Variants in UBE2K observed in about 807,000 individuals in gnomAD.
The protein encoded by UBE2K is ubiquitin conjugating enzyme E2 K.
UBE2K carries 6 observed loss-of-function variants against 30.0 expected under a neutral mutation model. That is an observed-to-expected ratio of 0.20 (90% CI 0.11 to 0.39). The LOEUF (loss-of-function observed/expected upper bound fraction) is 0.39, where lower values mean the gene tolerates loss of function less well. Ranked by LOEUF, UBE2K falls within the 10% of genes least tolerant of loss-of-function variation. The pLI, the probability that UBE2K is intolerant of heterozygous loss-of-function variation, is 1.00. For synonymous variants in UBE2K, 86 were observed against 83.7 expected (o/e 1.03, Z -0.15); for missense variants, 61 against 241.6 (o/e 0.25, Z 4.96).
intron 1 of UBE2K, among the ~76,000 whole-genome samples, chr4:39,734,641 T>C (rs1388268874): frequency 1.3e-5 from 2 of 151,984 alleles, no homozygotes; most frequent in East Asian, 3.9e-4. Context: ...CAAAACCCCC[T>C]CTCTACTAAA....
intron 5 of UBE2K, among the ~76,000 whole-genome samples, chr4:39,776,147 T>C (rs182000126): frequency 1.4e-4 from 21 of 152,366 alleles, no homozygotes; most frequent in Admixed American, 1.4e-3. Context: ...CATTCAGTTT[T>C]GGCAGTGTTA....
At chr4:39,719,995 T>C (rs1399547619) in intron 1 of UBE2K, among the ~76,000 whole-genome samples, 1 of 152,238 alleles carries the variant, frequency 6.6e-6, no homozygotes, top group Non-Finnish European at 1.5e-5. Flanking sequence ...CCATAGGCAC[T>C]GTGAATGTGA....
At chr4:39,773,572 T>C (rs893145890) in intron 4 of UBE2K, among the ~76,000 whole-genome samples, 1 of 152,176 alleles carries the variant, frequency 6.6e-6, no homozygotes, top group Non-Finnish European at 1.5e-5. Flanking sequence ...ACTAATGATT[T>C]ATCACTTTAA....
At chr4:39,760,195 G>C (rs200997658) in intron 4 of UBE2K, among the ~76,000 whole-genome samples, 13 of 102,594 alleles carry the variant, frequency 1.3e-4, no homozygotes, top group East Asian at 5.9e-4. Context: ...AAAAAAAACA[G>C]AAAAAAAAAA....
chr4:39,773,686 C>A (rs915675199), intron 4 of UBE2K, among the ~76,000 whole-genome samples: 3 of 152,142 alleles, frequency 2.0e-5, no homozygotes, highest in African/African-American at 4.8e-5. Flanking sequence ...CTTTGGGAGG[C>A]CGAGGCGGGC....
intron 4 of UBE2K, among the ~76,000 whole-genome samples, chr4:39,772,845 G>A (rs958961585): frequency 1.8e-4 from 27 of 151,592 alleles, no homozygotes; most frequent in Admixed American, 5.9e-4. Flanking sequence ...ATGCCACCAC[G>A]CCCAGCTAAT....
At chr4:39,771,217 A>G in intron 4 of UBE2K, 1 of 1,612,602 alleles carries the variant, frequency 6.2e-7, no homozygotes, top group South Asian at 1.1e-5. Context: ...ACTGTGCATC[A>G]GGGAGACCTG....
At position 39,781,696 on chromosome 4, in the gene UBE2K, G is replaced by A; in HGVS notation, c.*3262G>A. On this transcript the variant is annotated 3_prime_UTR_variant, in exon 7 of 7. Coordinates refer to ENST00000261427, the MANE Select transcript of UBE2K (RefSeq NM_005339.5). ...TGGAGCCAGGTATACCTTCTAGTATGTAGAGGGAAACAATGTTTAGATAGG... is the reference window on the plus strand; with the variant it reads ...TGGAGCCAGGTATACCTTCTAGTATATAGAGGGAAACAATGTTTAGATAGG... 1 of 374,976 alleles carries A rather than the reference G, an allele frequency of 2.7e-6. No individual in the cohort carries two copies. The allele number at this position is 374,976 out of a possible 1,614,324, so 23.2% of individuals were successfully genotyped here. A position where few individuals can be genotyped will look rare whatever the true frequency, so the allele number is the denominator to read the frequency against.
intron 4 of UBE2K, among the ~76,000 whole-genome samples, chr4:39,760,176 C>CA (rs71194913): frequency 0.049 from 3,744 of 77,064 alleles, 241 homozygotes; most frequent in Middle Eastern, 0.085. Flanking sequence ...GACTCTGTCA[C>CA]AAAAAAAAAA....
chr4:39,749,861 T>C (rs1022245946), intron 3 of UBE2K, among the ~76,000 whole-genome samples: 2 of 152,164 alleles, frequency 1.3e-5, no homozygotes, highest in Admixed American at 1.3e-4. Context: ...TAAAGCTGGC[T>C]TAATAATATA....
At chr4:39,733,311 A>G (rs1720180521) in intron 1 of UBE2K, among the ~76,000 whole-genome samples, 1 of 147,982 alleles carries the variant, frequency 6.8e-6, no homozygotes, top group Admixed American at 7.0e-5. Context: ...TGTGAAATTA[A>G]TTTTGTAAAA....
intron 4 of UBE2K, among the ~76,000 whole-genome samples, chr4:39,761,609 A>G (rs1313749719): frequency 1.3e-5 from 2 of 152,218 alleles, no homozygotes; most frequent in Admixed American, 1.3e-4. Flanking sequence ...ATAAAGATTG[A>G]CACATTTTGA....
At chr4:39,761,565 G>T (rs566400205) in intron 4 of UBE2K, among the ~76,000 whole-genome samples, 61 of 152,266 alleles carry the variant, frequency 4.0e-4, no homozygotes, top group Non-Finnish European at 7.9e-4. Context: ...ATAGATTTAT[G>T]AGGTACTGAT....
intron 1 of UBE2K, among the ~76,000 whole-genome samples, chr4:39,737,125 A>G (rs1397696962): frequency 6.6e-6 from 1 of 152,204 alleles, no homozygotes; most frequent in Non-Finnish European, 1.5e-5. Context: ...GAATTGGCAA[A>G]CATAAAATAG....
rs773705706 is a variant in UBE2K at position 39,778,927 on chromosome 4, T to C, written c.*493T>C. 1 of 152,850 alleles carries C rather than the reference T, an allele frequency of 6.5e-6. No individual in the cohort carries two copies. Among genetic ancestry groups the C allele is most frequent in the African/African-American group, 2.4e-5 (1 of 41,458 alleles). 9.5% of individuals were successfully genotyped at this position (152,850 alleles called of 1,614,324 possible). A position where few individuals can be genotyped will look rare whatever the true frequency, so the allele number is the denominator to read the frequency against. On this transcript the variant is annotated 3_prime_UTR_variant, in exon 7 of 7. Transcript: ENST00000261427. ...GGATGGGTAGCTGAAAAGACCACCA[T>C]TTTAAGCATTTGAGAATTCTTAAAT...
intron 4 of UBE2K, among the ~76,000 whole-genome samples, chr4:39,774,243 G>C (rs1313611818): frequency 1.3e-5 from 2 of 152,084 alleles, no homozygotes; most frequent in Non-Finnish European, 2.9e-5. Flanking sequence ...GGCGGAGGTT[G>C]CAGTGAGACA....
In UBE2K at chr4:39,746,505, A is replaced by G. The variant is rs544312613; in HGVS notation, c.216+695A>G. Among the ~76,000 whole-genome samples, 16 of 152,212 alleles carry G rather than the reference A, an allele frequency of 1.1e-4. No individual in the cohort carries two copies. In the South Asian group the frequency reaches 3.3e-3, roughly 32 times the overall value. ...TTTTCCATTTCTACTCATTCTCTGCACTGTTGGTCTAGAAATCTTCCTAGA... is the reference window on the plus strand; with the variant it reads ...TTTTCCATTTCTACTCATTCTCTGCGCTGTTGGTCTAGAAATCTTCCTAGA... On this transcript the variant is annotated intron_variant, in intron 3 of 6. Coordinates refer to ENST00000261427, the MANE Select transcript of UBE2K (RefSeq NM_005339.5).
intron 4 of UBE2K, among the ~76,000 whole-genome samples, chr4:39,774,624 A>G (rs1234951451): frequency 2.0e-5 from 3 of 152,176 alleles, no homozygotes; most frequent in Non-Finnish European, 2.9e-5. Context: ...GGGGAAAAAA[A>G]GAAAAAAGAA....
rs182020374 is a variant in UBE2K, at chr4:39,726,280, G to A, written c.64-11140G>A. ...CAAAGTGCTGGGATTACAGGCGTGA[G>A]CCATCGTGCCTGGCCTGTTTTTACT... On this transcript the variant is annotated intron_variant, in intron 1 of 6. Transcript: ENST00000261427. 5.4e-4 allele frequency among the ~76,000 whole-genome samples: 82 copies of A among 152,306 alleles called. 3 individuals are homozygous for A. In the East Asian group the frequency reaches 0.014, roughly 27 times the overall value.
Sources: gnomAD v4.1 joint callset for allele counts (sites outside exome capture counted in the v4.1 genomes callset) on GRCh38, gnomAD v4.1.1 for gene constraint, MANE v1.5 for transcripts, NCBI Gene and HGNC (gene_info 2026-07-23, HGNC 2026-07-21) for gene names.